EPHA6: variants seen among roughly 807,000 people sequenced by gnomAD.
The protein encoded by EPHA6 is ephrin type-A receptor 6.
EPHA6 carries 50 observed loss-of-function variants against 112.0 expected under a neutral mutation model. The ratio of observed to expected loss-of-function variants is 0.45; its 90% CI spans 0.36 to 0.56. EPHA6 has a LOEUF of 0.56. Among genes scored for constraint, EPHA6 ranks in the 20% least tolerant of loss-of-function variants. EPHA6 has a pLI of 0.00. For synonymous variants in EPHA6, 529 were observed against 490.7 expected (o/e 1.08, Z -1.03); for missense variants, 1,280 against 1,417.4 (o/e 0.90, Z 1.56).
intron 1 of EPHA6, among the ~76,000 whole-genome samples, chr3:96,836,694 C>A (rs1181120974): frequency 6.6e-6 from 1 of 152,084 alleles, no homozygotes; most frequent in Non-Finnish European, 1.5e-5. Context: ...AAGAAGAGAA[C>A]AGTAAAAGGA....
At chr3:96,896,219 T>C (rs1200005475) in intron 2 of EPHA6, among the ~76,000 whole-genome samples, 14 of 152,216 alleles carry the variant, frequency 9.2e-5, no homozygotes, top group Admixed American at 8.5e-4. Flanking sequence ...CTTTCATTTA[T>C]AACATTAACA....
intron 10 of EPHA6, among the ~76,000 whole-genome samples, chr3:97,502,457 C>A (rs908211830): frequency 1.3e-5 from 2 of 151,802 alleles, no homozygotes; most frequent in Non-Finnish European, 2.9e-5. Flanking sequence ...ATGTGAGCCA[C>A]CGTGCCCGGG....
intron 6 of EPHA6, among the ~76,000 whole-genome samples, chr3:97,409,301 A>C (rs1055590501): frequency 1.3e-5 from 2 of 152,090 alleles, no homozygotes; most frequent in East Asian, 3.9e-4. Context: ...CATAGATGGT[A>C]ATTAATAGAT....
chr3:97,250,189 A>G (rs1237447280), intron 5 of EPHA6, among the ~76,000 whole-genome samples: 1 of 152,224 alleles, frequency 6.6e-6, no homozygotes, highest in Non-Finnish European at 1.5e-5. Flanking sequence ...TATTAATGGC[A>G]TATTTATTCT....
chr3:97,318,309 G>T (rs545847075), intron 5 of EPHA6, among the ~76,000 whole-genome samples: 1 of 152,160 alleles, frequency 6.6e-6, no homozygotes, highest in Non-Finnish European at 1.5e-5. Context: ...ATCATTTAAA[G>T]AACTTGCTTA....
intron 11 of EPHA6, among the ~76,000 whole-genome samples, chr3:97,576,152 A>G (rs2093382330): frequency 6.6e-6 from 1 of 152,010 alleles, no homozygotes; most frequent in African/African-American, 2.4e-5. Flanking sequence ...TTATCTCAAA[A>G]TTTTTCTGTG....
At chr3:96,937,743 C>A (rs1231606101) in intron 2 of EPHA6, among the ~76,000 whole-genome samples, 5 of 152,032 alleles carry the variant, frequency 3.3e-5, no homozygotes, top group Non-Finnish European at 7.4e-5. Flanking sequence ...GGTTTTAGGT[C>A]TAACATTGAA....
In EPHA6 at chr3:97,751,771, C is replaced by T. The variant is rs1052291310; in HGVS notation, c.*3070C>T. 6.6e-6 allele frequency among the ~76,000 whole-genome samples: 1 copy of T among 152,018 alleles called. No homozygotes were observed. Among genetic ancestry groups the T allele is most frequent in the Non-Finnish European group, 1.5e-5 (1 of 67,948 alleles). ...AAGTCTTCAGGAATAATCTTTGATA[C>T]CTAAAATATGCATATAGACTCACAT... is the stretch of plus-strand genomic sequence containing the variant. On this transcript the variant is annotated 3_prime_UTR_variant, in exon 18 of 18. Coordinates refer to ENST00000389672, the MANE Select transcript of EPHA6 (RefSeq NM_001080448.3).
At chr3:97,372,758 A>G (rs2085133149) in intron 5 of EPHA6, among the ~76,000 whole-genome samples, 1 of 152,164 alleles carries the variant, frequency 6.6e-6, no homozygotes, top group Admixed American at 6.6e-5. Flanking sequence ...ATAATACAAT[A>G]TATATTATGT....
intron 14 of EPHA6, among the ~76,000 whole-genome samples, chr3:97,643,215 A>T (rs1391201273): frequency 6.7e-6 from 1 of 148,846 alleles, no homozygotes; most frequent in East Asian, 2.0e-4. Flanking sequence ...AAGGAGAAAT[A>T]AAATACTTTA....
chr3:97,596,126 C>T (rs1182857386), intron 12 of EPHA6, among the ~76,000 whole-genome samples: 3 of 151,504 alleles, frequency 2.0e-5, no homozygotes, highest in Non-Finnish European at 3.0e-5. Flanking sequence ...AGGATGGTCT[C>T]GATCTACTGA....
chr3:96,873,312 C>G (rs1470262756), intron 2 of EPHA6, among the ~76,000 whole-genome samples: 2 of 151,868 alleles, frequency 1.3e-5, no homozygotes, highest in African/African-American at 2.4e-5. Flanking sequence ...GTCCATCTCT[C>G]CAATTCTGGG....
intron 1 of EPHA6, among the ~76,000 whole-genome samples, chr3:96,818,254 G>A (rs2032963568): frequency 6.6e-6 from 1 of 151,824 alleles, no homozygotes; most frequent in Non-Finnish European, 1.5e-5. Flanking sequence ...TAGACACCAG[G>A]GATCCATTCA....
At chr3:96,874,110 C>A (rs1207664682) in intron 2 of EPHA6, among the ~76,000 whole-genome samples, 1 of 152,044 alleles carries the variant, frequency 6.6e-6, no homozygotes, top group African/African-American at 2.4e-5. Context: ...ATTGTGATGA[C>A]TGCAGTGAAG....
At chr3:97,302,713 C>T (rs981884401) in intron 5 of EPHA6, among the ~76,000 whole-genome samples, 1 of 151,738 alleles carries the variant, frequency 6.6e-6, no homozygotes, top group Non-Finnish European at 1.5e-5. Context: ...AAGTTAAAGG[C>T]ACAGCAAGAC....
chr3:97,015,913 A>C (rs1385577949), intron 3 of EPHA6, among the ~76,000 whole-genome samples: 1 of 152,202 alleles, frequency 6.6e-6, no homozygotes, highest in Non-Finnish European at 1.5e-5. Flanking sequence ...GAAAACATTT[A>C]AGGAAAATCA....
At chr3:97,298,664 AAAG>A (rs1374692994) in intron 5 of EPHA6, among the ~76,000 whole-genome samples, 1 of 152,160 alleles carries the variant, frequency 6.6e-6, no homozygotes, top group Non-Finnish European at 1.5e-5. Flanking sequence ...ATCCTAAAAA[AAAG>A]AAATATTATT....
At chr3:96,859,381 TA>T (rs2035880804) in intron 1 of EPHA6, among the ~76,000 whole-genome samples, 1 of 139,954 alleles carries the variant, frequency 7.1e-6, no homozygotes, top group Non-Finnish European at 1.5e-5. Flanking sequence ...TGATAATGGT[TA>T]ATTTTTTTTT....
At chr3:97,481,925 T>C (rs1037190242) in intron 9 of EPHA6, among the ~76,000 whole-genome samples, 10 of 152,166 alleles carry the variant, frequency 6.6e-5, no homozygotes, top group African/African-American at 2.2e-4. Flanking sequence ...GAGGCATTTA[T>C]TATCTGTTTT....
Sources: allele counts gnomAD v4.1 joint callset (sites outside exome capture counted in the v4.1 genomes callset), GRCh38; gene constraint gnomAD v4.1.1; transcripts MANE v1.5; gene names NCBI Gene and HGNC (gene_info 2026-07-23, HGNC 2026-07-21).